DAB2IP: variants seen among roughly 807,000 people sequenced by gnomAD.
DAB2IP encodes the protein DAB2 interacting protein.
Under a neutral mutation model 107.2 loss-of-function variants are expected in DAB2IP, and 28 were observed. The observed-to-expected ratio is 0.26, with a 90% confidence interval of 0.19 to 0.36. The LOEUF is 0.36. Among genes scored for constraint, DAB2IP ranks in the 10% least tolerant of loss-of-function variants. The probability of loss-of-function intolerance (pLI) is 1.00; values close to 1 mark genes in which losing one functional copy is unlikely to be tolerated. For missense variants in DAB2IP, 1,400 were observed against 1,644.7 expected, an observed-to-expected ratio of 0.85 and a Z score of 2.57; for synonymous variants, 755 against 706.4, an observed-to-expected ratio of 1.07 and a Z score of -1.09.
intron 1 of DAB2IP, among the ~76,000 whole-genome samples, chr9:121,568,962 G>C (rs1281048570): frequency 1.3e-5 from 2 of 152,222 alleles, no homozygotes; most frequent in African/African-American, 4.8e-5. Flanking sequence ...CTGATCTCCT[G>C]GAAGCTGGCC....
chr9:121,780,686 T>G (rs1043761414), intron 14 of DAB2IP, among the ~76,000 whole-genome samples: 4 of 150,582 alleles, frequency 2.7e-5, no homozygotes, highest in African/African-American at 9.8e-5. Flanking sequence ...CAAAGGAGAG[T>G]GGGAAGGTGG....
intron 2 of DAB2IP, among the ~76,000 whole-genome samples, chr9:121,685,131 GC>G (rs910738522): frequency 2.6e-4 from 39 of 152,266 alleles, no homozygotes; most frequent in African/African-American, 9.4e-4. Context: ...AGCAAACCCT[GC>G]CCCCTCCGCC....
At chr9:121,650,256 T>C (rs72764054), upstream of DAB2IP, among the ~76,000 whole-genome samples, 2,730 of 152,296 alleles carry the variant, frequency 0.018, 32 homozygotes, top group Middle Eastern at 0.041. Flanking sequence ...CTCCTCAGAC[T>C]GAGTTTGCTG....
chr9:121,604,958 C>G lies in DAB2IP; in HGVS notation c.40+37730C>G, dbSNP rs184781120. Among the ~76,000 whole-genome samples the G allele has an allele frequency of 3.1e-3, 479 of 152,336 alleles. 2 individuals are homozygous for G. Among genetic ancestry groups the G allele is most frequent in the African/African-American group, 0.011 (468 of 41,560 alleles). On this transcript the variant is annotated intron_variant, in intron 1 of 16. Coordinates refer to the DAB2IP transcript ENST00000259371. The stretch of plus-strand genomic sequence containing the variant: ...GGGCAGGGCTGGCTCTAGCAAGGGA[C>G]AGAAGAGAGATGCCTTTGGTTTGCA...
intron 9 of DAB2IP, 37 bp from the exon 10 acceptor site, chr9:121,768,395 G>A (rs1834453656): frequency 6.2e-7 from 1 of 1,609,688 alleles, no homozygotes; most frequent in South Asian, 1.1e-5. Flanking sequence ...GGGCCTGCCT[G>A]GGCCCAGTAG....
chr9:121,667,296 G>C (rs940138137), intron 1 of DAB2IP, among the ~76,000 whole-genome samples: 1 of 152,022 alleles, frequency 6.6e-6, no homozygotes, highest in Non-Finnish European at 1.5e-5. Flanking sequence ...AAGCACTTTG[G>C]GGTAAATTAC....
At chr9:121,567,333 C>A in intron 1 of DAB2IP, 8 of 1,535,912 alleles carry the variant, frequency 5.2e-6, no homozygotes, top group South Asian at 2.3e-5. Context: ...GGCAGTCAGG[C>A]ATCTGGGCAC....
At chr9:121,780,601 A>G (rs999522153) in intron 14 of DAB2IP, among the ~76,000 whole-genome samples, 3 of 152,108 alleles carry the variant, frequency 2.0e-5, no homozygotes, top group Non-Finnish European at 4.4e-5. Flanking sequence ...AGCCCTGTGG[A>G]CCCCCATGTC....
At chr9:121,758,262 C>T (rs1245175170) in intron 4 of DAB2IP, among the ~76,000 whole-genome samples, 1 of 152,102 alleles carries the variant, frequency 6.6e-6, no homozygotes, top group African/African-American at 2.4e-5. Flanking sequence ...CTAAGCTGGA[C>T]CAGAGGTTGA....
intron 1 of DAB2IP, among the ~76,000 whole-genome samples, chr9:121,605,421 T>C (rs1830836340): frequency 6.6e-6 from 1 of 152,230 alleles, no homozygotes; most frequent in Non-Finnish European, 1.5e-5. Context: ...GAAAGCCACC[T>C]GTCAGTGTCA....
intron 2 of DAB2IP, among the ~76,000 whole-genome samples, chr9:121,688,604 C>T (rs1829009063): frequency 6.6e-6 from 1 of 152,198 alleles, no homozygotes; most frequent in African/African-American, 2.4e-5. Context: ...CAGAACACCC[C>T]ATCTGTACAC....
Position 121,635,032 on chromosome 9 carries a change from G to A in DAB2IP, c.41-43646G>A, listed in dbSNP as rs528033432. On this transcript the variant is annotated intron_variant, in intron 1 of 16. Coordinates refer to the DAB2IP transcript ENST00000259371. The surrounding 1 kb of genome is among the most constrained non-coding windows in gnomAD (Gnocchi z 4.3). ...CCTGTGTATATGTGTGTGTGTGTGC[G>A]CGTGCGTGTGTATGTGTGTGTGCAT... Among the ~76,000 whole-genome samples the A allele has an allele frequency of 1.3e-5, 2 of 152,252 alleles. No individual in the cohort carries two copies. The highest frequency in any genetic ancestry group is 1.9e-4 in the East Asian group (1 of 5,166).
At chr9:121,700,723 A>G (rs887707731) in intron 3 of DAB2IP, among the ~76,000 whole-genome samples, 1 of 152,100 alleles carries the variant, frequency 6.6e-6, no homozygotes, top group African/African-American at 2.4e-5. Flanking sequence ...CTCCCAGTAG[A>G]ATGGCTAGAC....
intron 2 of DAB2IP, among the ~76,000 whole-genome samples, chr9:121,681,535 G>A (rs868707877): frequency 9.2e-5 from 14 of 152,090 alleles, no homozygotes; most frequent in Admixed American, 1.3e-4. Flanking sequence ...GCGTGTTCAA[G>A]GTGGTCGTTT....
In DAB2IP at chr9:121,635,602, A is replaced by G. The variant is rs113830140; in HGVS notation, c.41-43076A>G. On this transcript the variant is annotated intron_variant, in intron 1 of 16. Coordinates refer to the DAB2IP transcript ENST00000259371. This position sits in a 1 kb window ranked among gnomAD's most constrained non-coding sequence, Gnocchi z 4.3. ...AGGCCACCTGAGAGAGAGGTTAGGA[A>G]GCACCAGGGCAACCACAGGAAGGAG... Among the ~76,000 whole-genome samples, 254 of 152,288 alleles carry G rather than the reference A, an allele frequency of 1.7e-3. 2 individuals are homozygous for G. The highest frequency in any genetic ancestry group is 5.9e-3 in the African/African-American group (246 of 41,560).
intron 1 of DAB2IP, among the ~76,000 whole-genome samples, chr9:121,587,485 G>A (rs1167298791): frequency 1.3e-5 from 2 of 152,024 alleles, no homozygotes; most frequent in Non-Finnish European, 2.9e-5. Context: ...GCACATGCCT[G>A]TAGTTCCAGC....
intron 10 of DAB2IP, among the ~76,000 whole-genome samples, chr9:121,769,946 C>T (rs1176428230): frequency 1.3e-5 from 2 of 152,222 alleles, no homozygotes; most frequent in Non-Finnish European, 2.9e-5. Flanking sequence ...CTCACAGAGA[C>T]CTCTGTGGAA....
chr9:121,694,363 G>T (rs1829313902), intron 2 of DAB2IP, among the ~76,000 whole-genome samples: 1 of 152,148 alleles, frequency 6.6e-6, no homozygotes, highest in African/African-American at 2.4e-5. Context: ...TCCTCCCAAG[G>T]ATTCCTGATA....
intron 3 of DAB2IP, chr9:121,737,633 A>C: frequency 1.0e-6 from 1 of 985,362 alleles, no homozygotes; most frequent in Non-Finnish European, 1.2e-6. Context: ...CCATCTTCGG[A>C]AGCCAGATCT....
Sources: allele counts gnomAD v4.1 joint callset (sites outside exome capture counted in the v4.1 genomes callset), GRCh38; gene constraint gnomAD v4.1.1; non-coding constraint Gnocchi (gnomAD v3.1); transcripts MANE v1.5; gene names NCBI Gene and HGNC (gene_info 2026-07-23, HGNC 2026-07-21).